The following NAV3 variants were observed in gnomAD, a reference collection of about 807,000 sequenced individuals.
NAV3 encodes the protein pore membrane and/or filament interacting like protein 1.
Under a neutral mutation model 244.7 loss-of-function variants are expected in NAV3, and 87 were observed. The observed-to-expected ratio is 0.36, with a 90% CI of 0.30 to 0.42. The LOEUF (loss-of-function observed/expected upper bound fraction) is 0.42, where lower values mean the gene tolerates loss of function less well. Ranked by LOEUF, NAV3 falls within the 20% of genes least tolerant of loss-of-function variation. NAV3 has a pLI of 1.00. For synonymous variants in NAV3, 1,126 were observed against 1,042.2 expected, an observed-to-expected ratio of 1.08 and a Z score of -1.55; for missense variants, 2,663 against 2,893.3, an observed-to-expected ratio of 0.92 and a Z score of 1.83.
At chr12:77,735,919 G>A (rs534232783) in intron 2 of NAV3, among the ~76,000 whole-genome samples, 1 of 152,102 alleles carries the variant, frequency 6.6e-6, no homozygotes, top group Non-Finnish European at 1.5e-5. Flanking sequence ...CCATTCATGG[G>A]TTTAGTCTCC....
intron 1 of NAV3, among the ~76,000 whole-genome samples, chr12:77,883,262 A>G (rs767696735): frequency 6.6e-6 from 1 of 152,176 alleles, no homozygotes; most frequent in Non-Finnish European, 1.5e-5. Context: ...CTATGCTGCT[A>G]TAAAAAGAAC....
intron 3 of NAV3, among the ~76,000 whole-genome samples, chr12:77,945,672 A>G (rs1187731177): frequency 6.6e-6 from 1 of 152,176 alleles, no homozygotes; most frequent in African/African-American, 2.4e-5. Context: ...TAATATAACA[A>G]CTTCAGAATT....
chr12:77,667,490 C>T (rs1158366232), intron 2 of NAV3, among the ~76,000 whole-genome samples: 1 of 152,042 alleles, frequency 6.6e-6, no homozygotes, highest in Non-Finnish European at 1.5e-5. Flanking sequence ...CTTCCCCCCA[C>T]TTCCCTGGGG....
chr12:77,624,891 T>C (rs746209326), intron 2 of NAV3, among the ~76,000 whole-genome samples: 4 of 152,148 alleles, frequency 2.6e-5, no homozygotes, highest in Non-Finnish European at 5.9e-5. Context: ...TTGCCTTCCA[T>C]AGGTTTATAG....
At chr12:78,034,621 A>G (rs1208741743) in intron 9 of NAV3, among the ~76,000 whole-genome samples, 1 of 152,196 alleles carries the variant, frequency 6.6e-6, no homozygotes, top group Non-Finnish European at 1.5e-5. Context: ...TTAGAATTGC[A>G]TTTTTTGTGA....
chr12:77,740,419 T>C (rs1448892306), intron 2 of NAV3, among the ~76,000 whole-genome samples: 1 of 152,006 alleles, frequency 6.6e-6, no homozygotes, highest in Non-Finnish European at 1.5e-5. Flanking sequence ...TGGCTATTGA[T>C]TGAAGGAAAC....
chr12:77,908,490 G>A (rs1243909141), intron 1 of NAV3, among the ~76,000 whole-genome samples: 2 of 151,940 alleles, frequency 1.3e-5, no homozygotes, highest in Admixed American at 6.6e-5. Context: ...AATGATACAG[G>A]TATTTTTAAG....
intron 1 of NAV3, among the ~76,000 whole-genome samples, chr12:77,870,739 G>A (rs1202083073): frequency 6.6e-6 from 1 of 152,130 alleles, no homozygotes; most frequent in African/African-American, 2.4e-5. Flanking sequence ...AATCTGACTA[G>A]AAGAATCTAA....
chr12:77,919,472 T>A (rs943298888), intron 1 of NAV3, among the ~76,000 whole-genome samples: 1 of 152,112 alleles, frequency 6.6e-6, no homozygotes, highest in African/African-American at 2.4e-5. Flanking sequence ...CAACTCCGTA[T>A]CTGTGGACAT....
chr12:77,658,567 C>G (rs547704598), intron 2 of NAV3, among the ~76,000 whole-genome samples: 1 of 152,026 alleles, frequency 6.6e-6, no homozygotes, highest in East Asian at 1.9e-4. Flanking sequence ...CCATCCCCAT[C>G]AAGCTACCAA....
chr12:78,163,687 G>A (rs1957661735), intron 23 of NAV3, among the ~76,000 whole-genome samples: 1 of 152,120 alleles, frequency 6.6e-6, no homozygotes, highest in Admixed American at 6.6e-5. Flanking sequence ...ATAATACTAA[G>A]TCTGTAAGTA....
rs1016728875 is a variant in NAV3 at position 78,159,426 on chromosome 12, G to T, written c.4869+140G>T. On this transcript the variant is annotated intron_variant, in intron 23 of 39. Transcript: ENST00000397909. ...TGCCTGTAATCTCACCACTTTGGGA[G>T]ACCAAGGTGGGTGGATCACTTAAGG... 8 of 697,190 alleles carry T rather than the reference G, an allele frequency of 1.1e-5. No homozygotes were observed. The East Asian group carries it at 2.4e-4, about 21-fold the overall frequency. The allele number at this position is 697,190 out of a possible 1,614,324, so 43.2% of individuals were successfully genotyped here.
At chr12:78,011,315 G>C (rs1267898430) in intron 8 of NAV3, among the ~76,000 whole-genome samples, 3 of 152,094 alleles carry the variant, frequency 2.0e-5, no homozygotes, top group Non-Finnish European at 4.4e-5. Flanking sequence ...CTGTGTAACA[G>C]AAGATACAAA....
chr12:77,873,768 G>A (rs2951488), intron 1 of NAV3, among the ~76,000 whole-genome samples: 33,882 of 71,666 alleles, frequency 0.47, 6,547 homozygotes, highest in Middle Eastern at 0.64. Context: ...ATATATATAT[G>A]TATATAACAG....
Position 78,185,619 on chromosome 12 carries a change from C to T in NAV3, c.5711C>T (p.Ala1904Val), listed in dbSNP as rs1038258903. The T allele has an allele frequency of 3.1e-6, 5 of 1,607,886 alleles. No homozygotes were observed. The African/African-American group carries it at 6.7e-5, about 22-fold the overall frequency. The change falls in exon 31 of 40, where the codon GCT (alanine) becomes GTT (valine). Residue 1904 changes from alanine (A) to valine (V), a missense_variant. Ala to Val is a moderately conservative substitution (Grantham distance 64, BLOSUM62 0). This residue lies in a region of NAV3 where 543 missense variants were observed against 672.4 expected (regional missense o/e 0.81). Transcript: ENST00000397909. Reference sequence around the variant, plus strand: ...TTGATAGATATTTTGCTAGATGATGCTGGTGATGCAACTGGACATAAAGAT... The same window carrying T: ...TTGATAGATATTTTGCTAGATGATGTTGGTGATGCAACTGGACATAAAGAT... ...AVSSDILLDD[A>V]GDATGHKDGR...
intron 2 of NAV3, among the ~76,000 whole-genome samples, chr12:77,797,879 C>T (rs1205545261): frequency 6.7e-6 from 1 of 150,022 alleles, no homozygotes. Flanking sequence ...ATTCAAATAG[C>T]TTTGTTTTAC....
At chr12:77,753,009 C>A (rs909016590) in intron 2 of NAV3, among the ~76,000 whole-genome samples, 8 of 152,116 alleles carry the variant, frequency 5.3e-5, no homozygotes, top group African/African-American at 1.7e-4. Context: ...ACAGGAACTC[C>A]ATGACCTGAA....
rs576122670 is a variant in NAV3, at chr12:77,989,431, G to C, written c.672-5372G>C. ...CTGTTTGCCCATTGGGCTTCCTATG[G>C]AAGCTAAAGAGCTAGCTAAAACCAA... On this transcript the variant is annotated intron_variant, in intron 5 of 39. Transcript: ENST00000397909. 1.2e-4 allele frequency among the ~76,000 whole-genome samples: 19 copies of C among 152,250 alleles called. No individual in the cohort carries two copies. The South Asian group carries it at 3.9e-3, about 32-fold the overall frequency.
At chr12:77,698,813 C>T (rs902272308) in intron 2 of NAV3, among the ~76,000 whole-genome samples, 1 of 152,124 alleles carries the variant, frequency 6.6e-6, no homozygotes, top group African/African-American at 2.4e-5. Context: ...CTGGAATTTA[C>T]ATATGCTAGT....
Sources: allele counts gnomAD v4.1 joint callset (sites outside exome capture counted in the v4.1 genomes callset), GRCh38; gene constraint gnomAD v4.1.1; regional missense constraint gnomAD v4.1.1; transcripts MANE v1.5; gene names NCBI Gene and HGNC (gene_info 2026-07-23, HGNC 2026-07-21).